The following TMEM45B variants were observed in gnomAD, a reference collection of about 807,000 sequenced individuals.
TMEM45B encodes transmembrane protein 45B.
In TMEM45B, 29 loss-of-function variants were observed where a neutral mutation model predicts 27.3. The ratio of observed to expected loss-of-function variants is 1.06; its 90% CI spans 0.79 to 1.45. TMEM45B has a LOEUF of 1.45. Ranked by LOEUF, TMEM45B falls within the 40% of genes most tolerant of loss-of-function variation. The probability of loss-of-function intolerance (pLI) is 0.00; values close to 1 mark genes in which losing one functional copy is unlikely to be tolerated. For missense variants in TMEM45B, 348 were observed against 343.9 expected, an observed-to-expected ratio of 1.01 and a Z score of -0.09; for synonymous variants, 143 against 134.7, an observed-to-expected ratio of 1.06 and a Z score of -0.43.
intron 3 of TMEM45B, 66 bp from the exon 4 acceptor site, chr11:129,855,642 G>C: frequency 6.4e-7 from 1 of 1,565,068 alleles, no homozygotes; most frequent in Non-Finnish European, 8.8e-7. Context: ...GACAGGTGTA[G>C]GAGGAAACTT....
In TMEM45B at chr11:129,831,175, T is replaced by G. The variant is rs539670255; in HGVS notation, c.-9+15277T>G. Among the ~76,000 whole-genome samples the G allele has an allele frequency of 1.4e-4, 22 of 152,356 alleles. No individual in the cohort carries two copies. The South Asian group carries it at 4.1e-3, about 29-fold the overall frequency. On this transcript the variant is annotated intron_variant, in intron 1 of 5. Transcript: ENST00000281441. ...CAACAATATACTGCTCACAATTTCA[T>G]GGATGAAGATTCATTTTTACTGTAG...
At chr11:129,856,730 T>C (rs916906478) in intron 4 of TMEM45B, among the ~76,000 whole-genome samples, 6 of 151,390 alleles carry the variant, frequency 4.0e-5, no homozygotes, top group Non-Finnish European at 8.8e-5. Context: ...TGGCTAATTT[T>C]TTGTATTTTT....
At chr11:129,835,811 G>A (rs182241254) in intron 1 of TMEM45B, among the ~76,000 whole-genome samples, 1 of 152,188 alleles carries the variant, frequency 6.6e-6, no homozygotes, top group Non-Finnish European at 1.5e-5. Context: ...GAGCCAAAGA[G>A]GATTATTCTC....
chr11:129,843,937 C>T (rs1371221357), intron 1 of TMEM45B, among the ~76,000 whole-genome samples: 2 of 152,154 alleles, frequency 1.3e-5, no homozygotes, highest in African/African-American at 2.4e-5. Flanking sequence ...AGCAATTTCA[C>T]TTCTGTGTAT....
At chr11:129,830,179 T>C (rs1947531295) in intron 1 of TMEM45B, among the ~76,000 whole-genome samples, 1 of 152,060 alleles carries the variant, frequency 6.6e-6, no homozygotes, top group Admixed American at 6.6e-5. Context: ...AATACAAAAT[T>C]AGCCAGGTGT....
At chr11:129,834,813 C>CAAA (rs56304121) in intron 1 of TMEM45B, among the ~76,000 whole-genome samples, 1 of 132,162 alleles carries the variant, frequency 7.6e-6, no homozygotes, top group African/African-American at 2.7e-5. Context: ...TCCATCTCCA[C>CAAA]AAAAAAAAAA....
intron 1 of TMEM45B, among the ~76,000 whole-genome samples, chr11:129,839,605 T>C (rs1243236749): frequency 6.6e-6 from 1 of 152,218 alleles, no homozygotes; most frequent in African/African-American, 2.4e-5. Flanking sequence ...AGCGGTGCAA[T>C]CACGGCTCAC....
intron 1 of TMEM45B, among the ~76,000 whole-genome samples, chr11:129,820,564 G>A (rs1195913577): frequency 6.6e-6 from 1 of 152,182 alleles, no homozygotes; most frequent in African/African-American, 2.4e-5. Context: ...TGCTGATTAT[G>A]TAGGTCTGGG....
At chr11:129,827,359 A>G (rs190758221) in intron 1 of TMEM45B, among the ~76,000 whole-genome samples, 1 of 152,364 alleles carries the variant, frequency 6.6e-6, no homozygotes, top group East Asian at 1.9e-4. Context: ...ACGCACTGTT[A>G]GCAGATGCTG....
At chr11:129,819,476 C>A (rs548529187) in intron 1 of TMEM45B, among the ~76,000 whole-genome samples, 6 of 152,314 alleles carry the variant, frequency 3.9e-5, no homozygotes, top group Non-Finnish European at 8.8e-5. Flanking sequence ...CAAGTTGCAG[C>A]AGAAAGACGG....
At chr11:129,852,310 G>A (rs542223925) in intron 1 of TMEM45B, among the ~76,000 whole-genome samples, 165 bp from the exon 2 acceptor site, 10 of 152,158 alleles carry the variant, frequency 6.6e-5, no homozygotes, top group African/African-American at 1.7e-4. Flanking sequence ...CTTTACAGAT[G>A]AGACTTCAGT....
At chr11:129,844,903 G>A (rs562715252) in intron 1 of TMEM45B, among the ~76,000 whole-genome samples, 63 of 151,960 alleles carry the variant, frequency 4.1e-4, no homozygotes, top group Non-Finnish European at 5.7e-4. Context: ...CAATTATACC[G>A]CAATAAAGCT....
intron 1 of TMEM45B, among the ~76,000 whole-genome samples, chr11:129,825,447 T>C (rs1161182133): frequency 6.6e-6 from 1 of 151,832 alleles, no homozygotes; most frequent in East Asian, 1.9e-4. Flanking sequence ...ACTTGAGGTG[T>C]CTAAGAAACA....
At chr11:129,846,583 T>C (rs1336518867) in intron 1 of TMEM45B, among the ~76,000 whole-genome samples, 1 of 152,230 alleles carries the variant, frequency 6.6e-6, no homozygotes, top group Non-Finnish European at 1.5e-5. Context: ...TGCGGTAAGC[T>C]GTGGACTAAC....
chr11:129,830,716 A>G (rs1454119067), intron 1 of TMEM45B, among the ~76,000 whole-genome samples: 2 of 152,268 alleles, frequency 1.3e-5, no homozygotes, highest in Non-Finnish European at 2.9e-5. Flanking sequence ...AAGATGCTCA[A>G]CATCACTAAT....
At chr11:129,819,845 C>T (rs563376001) in intron 1 of TMEM45B, among the ~76,000 whole-genome samples, 47 of 152,112 alleles carry the variant, frequency 3.1e-4, no homozygotes, top group Admixed American at 1.8e-3. Flanking sequence ...TGAGCCACCA[C>T]GCCTGGCCTG....
intron 1 of TMEM45B, among the ~76,000 whole-genome samples, chr11:129,833,840 A>G (rs551758279): frequency 6.6e-5 from 10 of 152,230 alleles, no homozygotes; most frequent in Non-Finnish European, 1.2e-4. Flanking sequence ...AAATAGGGCA[A>G]AGGCGGTCAT....
intron 1 of TMEM45B, among the ~76,000 whole-genome samples, chr11:129,828,707 A>T (rs924779789): frequency 6.6e-6 from 1 of 152,232 alleles, no homozygotes; most frequent in Non-Finnish European, 1.5e-5. Context: ...GCCGGCAAGG[A>T]CAAATTCAGA....
intron 1 of TMEM45B, among the ~76,000 whole-genome samples, chr11:129,839,386 C>G (rs1947662985): frequency 6.6e-6 from 1 of 152,070 alleles, no homozygotes; most frequent in Non-Finnish European, 1.5e-5. Context: ...CTGAGACAGC[C>G]CAGCAGAAAG....
Sources: allele counts gnomAD v4.1 joint callset (sites outside exome capture counted in the v4.1 genomes callset), GRCh38; gene constraint gnomAD v4.1.1; transcripts MANE v1.5; gene names NCBI Gene and HGNC (gene_info 2026-07-23, HGNC 2026-07-21).